The following KLC4 variants were observed in gnomAD, a reference collection of about 807,000 sequenced individuals.
KLC4 encodes kinesin light chain 4.
KLC4 carries 49 observed loss-of-function variants against 77.2 expected under a neutral mutation model. The ratio of observed to expected loss-of-function variants is 0.63; its 90% CI spans 0.50 to 0.80. The LOEUF (loss-of-function observed/expected upper bound fraction) is 0.80. Ranked by LOEUF, KLC4 falls within the 30% of genes least tolerant of loss-of-function variation. KLC4 has a pLI of 0.00. For missense variants in KLC4, 669 were observed against 793.5 expected (o/e 0.84, Z 1.89); for synonymous variants, 274 against 314.5 (o/e 0.87, Z 1.36).
At chr6:43,060,524 T>C (rs1765091776) in intron 1 of KLC4, 1 of 1,294,824 alleles carries the variant, frequency 7.7e-7, no homozygotes, top group Admixed American at 3.3e-5. Context: ...GCAGGGCAGA[T>C]CCTCTGACTC....
chr6:43,064,143 T>C (rs770669578), intron 3 of KLC4, among the ~76,000 whole-genome samples: 1 of 151,864 alleles, frequency 6.6e-6, no homozygotes, highest in African/African-American at 2.4e-5. Flanking sequence ...TGGCTGAGAG[T>C]GTGTGTTTTC....
chr6:43,060,383 C>T (rs183291218), intron 1 of KLC4: 52 of 1,392,240 alleles, frequency 3.7e-5, no homozygotes, highest in South Asian at 1.9e-4. Context: ...GGGAATTGGG[C>T]GTCTTTGAAG....
intron 10 of KLC4, 84 bp downstream of exon 10, chr6:43,071,703 A>G: frequency 6.7e-7 from 1 of 1,491,780 alleles, no homozygotes; most frequent in African/African-American, 1.4e-5. Context: ...CCCAACTCTC[A>G]CTTCCCATCC....
In KLC4 at chr6:43,070,433, G is replaced by A. The variant is rs770616754; in HGVS notation, c.959G>A (p.Arg320Gln). Residue 320 changes from arginine (R) to glutamine (Q), a missense_variant, in exon 7 of 16, where the codon CGG becomes CAG. Transcript: ENST00000347162. ...KYKEAEPLCQ[R>Q]ALEIREKVLG... ...AAGGAGGCAGAGCCTCTGTGCCAGCGGGCACTGGAGATTCGAGAAAAGGTA... is the reference window on the plus strand; with the variant it reads ...AAGGAGGCAGAGCCTCTGTGCCAGCAGGCACTGGAGATTCGAGAAAAGGTA... 36 of 1,613,608 alleles carry A rather than the reference G, an allele frequency of 2.2e-5. No individual in the cohort carries two copies. Among genetic ancestry groups the A allele is most frequent in the African/African-American group, 1.2e-4 (9 of 74,904 alleles).
At chr6:43,059,963 C>A (rs1327641360) in intron 1 of KLC4, 2 of 1,340,620 alleles carry the variant, frequency 1.5e-6, no homozygotes, top group African/African-American at 3.0e-5. Flanking sequence ...CCATCCACAC[C>A]TCCCCCCTGC....
At chr6:43,071,670 CTCTG>C in intron 10 of KLC4, 51 bp downstream of exon 10, 3 of 1,560,862 alleles carry the variant, frequency 1.9e-6, no homozygotes, top group Non-Finnish European at 2.6e-6. Context: ...CTACCGGGGT[CTCTG>C]TCTTACTCCT....
Position 43,073,382 on chromosome 6 carries a change from G to A in KLC4, c.1745+44G>A, listed in dbSNP as rs537404130. On this transcript the variant is annotated intron_variant, in intron 14 of 15. Coordinates refer to ENST00000347162, the MANE Select transcript of KLC4 (RefSeq NM_201521.3). The stretch of plus-strand genomic sequence containing the variant: ...ATACAGTAAAGTGGCCGGGTGCAGT[G>A]GCTCACGCCTGTAATCCCAGCACTT... 34 of 1,404,372 alleles carry A rather than the reference G, an allele frequency of 2.4e-5. No homozygotes were observed. In the African/African-American group the frequency reaches 4.0e-4, roughly 16 times the overall value. 87.0% of individuals were successfully genotyped at this position (1,404,372 alleles called of 1,614,324 possible).
chr6:43,072,500 C>T (rs189881890), intron 12 of KLC4, among the ~76,000 whole-genome samples: 51 of 152,126 alleles, frequency 3.4e-4, no homozygotes, highest in African/African-American at 1.2e-3. Flanking sequence ...GAAACCCTGC[C>T]CTTTCATAAG....
intron 3 of KLC4, among the ~76,000 whole-genome samples, chr6:43,063,483 C>T (rs942948514): frequency 2.6e-5 from 4 of 152,018 alleles, no homozygotes; most frequent in East Asian, 1.9e-4. Context: ...CAGAATTCTA[C>T]GTGGTACAAT....
At chr6:43,062,175 G>A (rs1765197683) in intron 2 of KLC4, among the ~76,000 whole-genome samples, 1 of 152,234 alleles carries the variant, frequency 6.6e-6, no homozygotes, top group Non-Finnish European at 1.5e-5. Flanking sequence ...AGAAAATTAA[G>A]TCTGAGGGGT....
rs746914286 is a variant in KLC4 at position 43,070,447 on chromosome 6, C to T, written c.973C>T (p.Arg325Ter). Reference sequence around the variant, plus strand: ...TCTGTGCCAGCGGGCACTGGAGATTCGAGAAAAGGTACCCATGCCCTCTCT... The same window carrying T: ...TCTGTGCCAGCGGGCACTGGAGATTTGAGAAAAGGTACCCATGCCCTCTCT... ...EPLCQRALEI[R>*]EKVLGTNHPD... is the part of the protein sequence containing the mutation. Residue 325 changes from arginine to a stop codon, truncating the protein, a stop_gained, in exon 7 of 16, where the codon CGA (arginine) becomes TGA (stop). Transcript: ENST00000347162. LOFTEE classifies it high-confidence loss of function. The T allele has an allele frequency of 2.5e-6, 4 of 1,611,510 alleles. No individual in the cohort carries two copies. Among genetic ancestry groups the T allele is most frequent in the South Asian group, 2.2e-5 (2 of 91,008 alleles).
chr6:43,061,650 G>C (rs540095132), intron 2 of KLC4, 57 bp downstream of exon 2: 6 of 1,534,148 alleles, frequency 3.9e-6, no homozygotes, highest in Non-Finnish European at 5.3e-6. Context: ...GCAGTTATCT[G>C]ATTAAAGGTT....
chr6:43,060,249 C>G, intron 1 of KLC4: 1 of 1,614,154 alleles, frequency 6.2e-7, no homozygotes, highest in Non-Finnish European at 8.5e-7. Flanking sequence ...GTGTTCCTCC[C>G]TCCCCTTTCC....
rs1457483942 is a variant in KLC4 at position 43,073,976 on chromosome 6, T to C, written c.1809+11T>C. 6.3e-7 allele frequency: 1 copy of C among 1,598,850 alleles called. No individual in the cohort carries two copies. The highest frequency in any genetic ancestry group is 1.1e-5 in the South Asian group (1 of 89,096). Reference sequence around the variant, plus strand: ...GCAGCACCCCTCCAGGTGAGAGCAGTGCTTGTGAGCATATTGGTGGGTGAG... The same window carrying C: ...GCAGCACCCCTCCAGGTGAGAGCAGCGCTTGTGAGCATATTGGTGGGTGAG... On this transcript the variant is annotated intron_variant, in intron 15 of 15. Transcript: ENST00000347162.
chr6:43,073,120 C>G (rs1765810893), intron 13 of KLC4, 103 bp from the exon 14 acceptor site: 1 of 1,310,484 alleles, frequency 7.6e-7, no homozygotes, highest in African/African-American at 1.5e-5. Flanking sequence ...AGTCACTGGG[C>G]CTTGGGGGTG....
At chr6:43,060,345 T>A in intron 1 of KLC4, 1 of 1,580,924 alleles carries the variant, frequency 6.3e-7, no homozygotes, top group Non-Finnish European at 8.6e-7. Context: ...AGGCCTGCAA[T>A]GAGGGAGGCT....
intron 7 of KLC4, 31 bp from the exon 8 acceptor site, chr6:43,070,661 G>A: frequency 1.3e-6 from 2 of 1,595,310 alleles, no homozygotes; most frequent in Admixed American, 1.7e-5. Context: ...TGTTATCATA[G>A]CCATTTATCC....
At chr6:43,060,096 G>A in intron 1 of KLC4, 1 of 1,545,106 alleles carries the variant, frequency 6.5e-7, no homozygotes, top group Non-Finnish European at 8.7e-7. Context: ...CTTGCGACCC[G>A]GCAGCCGTTC....
At chr6:43,074,066 C>T (rs1036434559) in intron 15 of KLC4, 101 bp downstream of exon 15, 6 of 901,032 alleles carry the variant, frequency 6.7e-6, no homozygotes, top group Non-Finnish European at 8.5e-6. Flanking sequence ...GAGGAGTCAT[C>T]TGGGATGAAG....
Sources: gnomAD v4.1 joint callset for allele counts (sites outside exome capture counted in the v4.1 genomes callset) on GRCh38, gnomAD v4.1.1 for gene constraint, MANE v1.5 for transcripts, NCBI Gene and HGNC (gene_info 2026-07-23, HGNC 2026-07-21) for gene names.